PSME4: variants seen among roughly 807,000 people sequenced by gnomAD.
PSME4 encodes proteasome activator subunit 4, also known as proteasome activator complex subunit 4.
A neutral mutation model predicts 253.9 loss-of-function variants in PSME4; 89 were observed. The observed-to-expected ratio is 0.35, with a 90% CI of 0.30 to 0.42. PSME4 has a LOEUF of 0.42. Among genes scored for constraint, PSME4 ranks in the 10% least tolerant of loss-of-function variants. The probability of loss-of-function intolerance (pLI) is 1.00; values close to 1 mark genes in which losing one functional copy is unlikely to be tolerated. For missense variants in PSME4, 2,014 were observed against 2,195.2 expected, an observed-to-expected ratio of 0.92 and a Z score of 1.65; for synonymous variants, 851 against 759.2, an observed-to-expected ratio of 1.12 and a Z score of -1.99.
At chr2:53,965,872 C>CGGT (rs1670708039) in intron 1 of PSME4, among the ~76,000 whole-genome samples, 1 of 151,814 alleles carries the variant, frequency 6.6e-6, no homozygotes, top group Non-Finnish European at 1.5e-5. Context: ...CGGGGTTTCA[C>CGGT]CATGTTGGTG....
chr2:53,921,070 T>C lies in PSME4; in HGVS notation c.2081A>G (p.Tyr694Cys). The C allele has an allele frequency of 6.2e-7, 1 of 1,613,890 alleles. No individual in the cohort carries two copies. The highest frequency in any genetic ancestry group is 8.5e-7 in the Non-Finnish European group (1 of 1,179,976). The change falls in exon 18 of 47, where the codon TAT (tyrosine) becomes TGT (cysteine). Residue 694 changes from tyrosine (Y) to cysteine (C), a missense_variant. Transcript: ENST00000404125. ...TRVDGRKLLL[Y>C]REQLVKILQR... ...GAGAATCTTTACAAGCTGCTCCCTATAAAGAAGCAACTTCCTTCCATCCAC... is the reference window on the plus strand; with the variant it reads ...GAGAATCTTTACAAGCTGCTCCCTACAAAGAAGCAACTTCCTTCCATCCAC...
At chr2:53,918,748 TAATG>T (rs573210736) in intron 20 of PSME4, among the ~76,000 whole-genome samples, 11 of 152,198 alleles carry the variant, frequency 7.2e-5, no homozygotes, top group Non-Finnish European at 1.3e-4. Flanking sequence ...TTCAAAATCA[TAATG>T]AATAAGATTG....
chr2:53,881,757 T>C (rs995115831), intron 41 of PSME4, among the ~76,000 whole-genome samples: 16 of 152,148 alleles, frequency 1.1e-4, no homozygotes, highest in Non-Finnish European at 2.1e-4. Context: ...CTAATTTTTG[T>C]ATTTTTAGTA....
At position 53,892,878 on chromosome 2, in the gene PSME4, C is replaced by T; in HGVS notation, c.4121G>A (p.Ser1374Asn). 6.2e-7 allele frequency: 1 copy of T among 1,613,838 alleles called. No homozygotes were observed. Among genetic ancestry groups the T allele is most frequent in the Non-Finnish European group, 8.5e-7 (1 of 1,179,876 alleles). The change falls in exon 36 of 47, where the codon AGC (serine) becomes AAC (asparagine). Residue 1374 changes from serine to asparagine, a missense_variant. Physicochemically the swap from Ser to Asn is conservative, Grantham distance 46. This residue lies in a region of PSME4 where 403 missense variants were observed against 556.1 expected (regional missense o/e 0.72). Coordinates refer to ENST00000404125, the MANE Select transcript of PSME4 (RefSeq NM_014614.3). ...AATTTCTGCAACACATCGCTGGGTGCTTTCATGTGAATCTGCAACCAAATG... is the reference window on the plus strand; with the variant it reads ...AATTTCTGCAACACATCGCTGGGTGTTTTCATGTGAATCTGCAACCAAATG... ...LEHLVADSHE[S>N]TQRCVAEIIA...
intron 41 of PSME4, among the ~76,000 whole-genome samples, chr2:53,880,134 G>C (rs1008357156): frequency 6.6e-6 from 1 of 152,144 alleles, no homozygotes; most frequent in Non-Finnish European, 1.5e-5. Context: ...TATTTCTTTA[G>C]AGACAAAGAG....
intron 2 of PSME4, 122 bp downstream of exon 2, chr2:53,949,021 C>T (rs1669851945): frequency 1.6e-6 from 2 of 1,278,190 alleles, no homozygotes; most frequent in South Asian, 3.8e-5. Context: ...ATGTTTTTTG[C>T]AATCATTTTC....
At position 53,885,830 on chromosome 2, in the gene PSME4, A is replaced by G. The variant is rs753453583; in HGVS notation, c.4730-55T>C. ...TCTTTGCCATTCATTTACAGACCAC[A>G]AAGTAGAACAATATTGTAATGTTAT... On this transcript the variant is annotated intron_variant, in intron 40 of 46. Transcript: ENST00000404125. The G allele has an allele frequency of 6.9e-4, 861 of 1,250,864 alleles. 2 individuals carry two copies. The highest frequency in any genetic ancestry group is 8.7e-4 in the Non-Finnish European group (748 of 858,036). The allele number at this position is 1,250,864 out of a possible 1,614,324, so 77.5% of individuals were successfully genotyped here.
chr2:53,940,917 A>AAT (rs58243220), intron 3 of PSME4, among the ~76,000 whole-genome samples: 27,841 of 69,238 alleles, frequency 0.4, 7,083 homozygotes, highest in African/African-American at 0.63. Flanking sequence ...TACATATTTA[A>AAT]ATATATATAT....
At chr2:53,900,376 C>T (rs887611117) in intron 28 of PSME4, among the ~76,000 whole-genome samples, 4 of 150,476 alleles carry the variant, frequency 2.7e-5, no homozygotes, top group Admixed American at 1.3e-4. Flanking sequence ...CCGGGGAACA[C>T]AGCAAGACCC....
At chr2:53,931,723 A>G (rs1668838859) in intron 10 of PSME4, 112 bp downstream of exon 10, 1 of 1,135,426 alleles carries the variant, frequency 8.8e-7, no homozygotes. Context: ...CTCTAGGAAC[A>G]GGAATAAGCA....
intron 43 of PSME4, 115 bp downstream of exon 43, chr2:53,874,224 A>G: frequency 9.6e-7 from 1 of 1,045,720 alleles, no homozygotes; most frequent in South Asian, 1.6e-5. Flanking sequence ...TCTCTCAAAG[A>G]GTTGAGGTTA....
At chr2:53,887,545 T>C (rs1276548559) in intron 39 of PSME4, 78 bp from the exon 40 acceptor site, 4 of 1,311,458 alleles carry the variant, frequency 3.1e-6, no homozygotes, top group Non-Finnish European at 4.2e-6. Flanking sequence ...TATGACCCAA[T>C]CAAAGTAAAC....
In PSME4 at chr2:53,920,873, T is replaced by A; in HGVS notation, c.2262+16A>T. The A allele has an allele frequency of 6.4e-7, 1 of 1,558,438 alleles. No homozygotes were observed. Among genetic ancestry groups the A allele is most frequent in the Middle Eastern group, 1.7e-4 (1 of 5,960 alleles). ...ATCAACATATTCTTGAATCCTAAAG[T>A]ACTGAAAATGCTTGCCTTGATAGGA... is the stretch of plus-strand genomic sequence containing the variant. On this transcript the variant is annotated intron_variant, in intron 18 of 46. Transcript: ENST00000404125.
chr2:53,949,226 C>T lies in PSME4; in HGVS notation c.300G>A (p.Lys100=), dbSNP rs1669860523. Residue 100 remains lysine, a synonymous_variant, in exon 2 of 47, where the codon AAG becomes AAA. Transcript: ENST00000404125. ...FSKEDHVLFI[K]LLYELVSIPK... ...GAATTGATACCAGCTCATACAATAA[C>T]TTAATAAAAAGAACATGATCTTCTT... 2 of 1,610,746 alleles carry T rather than the reference C, an allele frequency of 1.2e-6. No individual in the cohort carries two copies. The highest frequency in any genetic ancestry group is 1.7e-6 in the Non-Finnish European group (2 of 1,178,422).
At position 53,940,941 on chromosome 2, in the gene PSME4, ATATATAT is replaced by A. The variant is rs1445483063; in HGVS notation, c.501-948_501-942del. On this transcript the variant is annotated intron_variant, in intron 3 of 46. Coordinates refer to ENST00000404125, the MANE Select transcript of PSME4 (RefSeq NM_014614.3). Reference sequence around the variant, plus strand: ...AAATATATATATAATACATATATAAATATATATATACATATATATATATATATATATA... The same window carrying A: ...AAATATATATATAATACATATATAAAATACATATATATATATATATATATA... Among the ~76,000 whole-genome samples, 3 of 41,460 alleles carry A rather than the reference ATATATAT, an allele frequency of 7.2e-5. No homozygotes were observed. The East Asian group carries it at 4.8e-3, about 66-fold the overall frequency. The allele number at this position is 41,460 out of a possible 152,430, so 27.2% of individuals were successfully genotyped here.
At chr2:53,943,995 T>C (rs2104471849) in intron 3 of PSME4, among the ~76,000 whole-genome samples, 1 of 152,306 alleles carries the variant, frequency 6.6e-6, no homozygotes, top group Admixed American at 6.5e-5. Context: ...TTACCACTCA[T>C]GTAAAAAGAG....
intron 1 of PSME4, among the ~76,000 whole-genome samples, chr2:53,952,481 G>A (rs1670045341): frequency 6.6e-6 from 1 of 152,172 alleles, no homozygotes; most frequent in Admixed American, 6.5e-5. Flanking sequence ...GGCGGAGGTT[G>A]CAGCTGAGCC....
At chr2:53,908,166 T>C in intron 24 of PSME4, 154 bp downstream of exon 24, 1 of 582,740 alleles carries the variant, frequency 1.7e-6, no homozygotes, top group East Asian at 2.9e-5. Context: ...ATCCATTTGA[T>C]TTCTACCATG....
chr2:53,906,190 A>G (rs1680651144), intron 26 of PSME4, among the ~76,000 whole-genome samples: 1 of 152,200 alleles, frequency 6.6e-6, no homozygotes, highest in African/African-American at 2.4e-5. Context: ...CTAAAACCCA[A>G]GCTTAATGTC....
Sources: allele counts gnomAD v4.1 joint callset (sites outside exome capture counted in the v4.1 genomes callset), GRCh38; gene constraint gnomAD v4.1.1; regional missense constraint gnomAD v4.1.1; transcripts MANE v1.5; gene names NCBI Gene and HGNC (gene_info 2026-07-23, HGNC 2026-07-21).